RAB38: variants seen among roughly 807,000 people sequenced by gnomAD.
RAB38 encodes ras-related protein Rab-38.
In RAB38, 15 loss-of-function variants were observed where a neutral mutation model predicts 18.4. The observed-to-expected ratio is 0.82, with a 90% CI of 0.55 to 1.26. RAB38 has a LOEUF of 1.26. Among genes scored for constraint, RAB38 ranks in the 50% most tolerant of loss-of-function variants. The pLI is 0.00. For missense variants in RAB38, 294 were observed against 267.4 expected (o/e 1.10, Z -0.69); for synonymous variants, 101 against 104.4 (o/e 0.97, Z 0.20).
At chr11:87,964,828 G>C in the RAB38 span, among the ~76,000 whole-genome samples, 1 of 152,100 alleles carries the variant, frequency 6.6e-6, no homozygotes, top group East Asian at 1.9e-4. Flanking sequence ...TAGCACAACA[G>C]ACCACCGTAA....
the RAB38 span, among the ~76,000 whole-genome samples, chr11:88,052,495 T>G: frequency 6.6e-6 from 1 of 152,134 alleles, no homozygotes; most frequent in Admixed American, 6.5e-5. Flanking sequence ...TAGAACTGGA[T>G]TTCAACCCTA....
chr11:87,815,640 T>C, the RAB38 span: 1 of 152,188 alleles, frequency 6.6e-6, no homozygotes, highest in Non-Finnish European at 1.5e-5. Context: ...TAACGGTGAC[T>C]TTATCAACTG....
chr11:88,140,610 A>C (rs1302880116), intron 2 of RAB38, among the ~76,000 whole-genome samples: 1 of 152,212 alleles, frequency 6.6e-6, no homozygotes, highest in Admixed American at 6.5e-5. Context: ...GTAATGTTAG[A>C]GCCAAGTCCT....
intron 2 of RAB38, among the ~76,000 whole-genome samples, chr11:88,149,022 G>A (rs1377650962): frequency 6.6e-6 from 1 of 152,040 alleles, no homozygotes; most frequent in Non-Finnish European, 1.5e-5. Context: ...ATGGCAACAT[G>A]AGGGAACAAT....
At chr11:88,069,506 C>A in the RAB38 span, among the ~76,000 whole-genome samples, 1 of 152,222 alleles carries the variant, frequency 6.6e-6, no homozygotes, top group Non-Finnish European at 1.5e-5. Context: ...GCCAGCTGGG[C>A]TCCTGAGTGG....
At chr11:87,882,775 G>A in the RAB38 span, among the ~76,000 whole-genome samples, 1 of 151,786 alleles carries the variant, frequency 6.6e-6, no homozygotes, top group Non-Finnish European at 1.5e-5. Flanking sequence ...CATTCCCATG[G>A]AAACTGAGGT....
chr11:87,849,942 G>T, the RAB38 span, among the ~76,000 whole-genome samples: 14 of 152,220 alleles, frequency 9.2e-5, no homozygotes, highest in East Asian at 2.5e-3. Context: ...AAGGAGGCTT[G>T]ATCATATTTT....
At chr11:88,170,799 G>C (rs112769738) in intron 1 of RAB38, among the ~76,000 whole-genome samples, 5 of 152,288 alleles carry the variant, frequency 3.3e-5, no homozygotes, top group African/African-American at 1.2e-4. Context: ...ACATAGCAAA[G>C]AAACACTCGA....
chr11:87,814,734 C>CT, the RAB38 span, among the ~76,000 whole-genome samples: 5,859 of 148,560 alleles, frequency 0.039, 268 homozygotes, highest in African/African-American at 0.1. Flanking sequence ...TTTTCTTTTT[C>CT]TTTTTCTTTT....
the RAB38 span, among the ~76,000 whole-genome samples, chr11:88,054,665 A>G: frequency 6.6e-6 from 1 of 152,254 alleles, no homozygotes; most frequent in African/African-American, 2.4e-5. Flanking sequence ...AAAGATATAC[A>G]AGGGACATTA....
chr11:88,056,361 G>A, the RAB38 span, among the ~76,000 whole-genome samples: 1 of 152,178 alleles, frequency 6.6e-6, no homozygotes, highest in Admixed American at 6.5e-5. Context: ...AGGAGATGTA[G>A]AGTGTTATAG....
the RAB38 span, among the ~76,000 whole-genome samples, chr11:87,977,536 A>G: frequency 8.6e-6 from 1 of 116,392 alleles, no homozygotes; most frequent in Non-Finnish European, 1.6e-5. Context: ...ATATAATTAT[A>G]TCATTATTAT....
chr11:87,812,584 A>G, the RAB38 span, among the ~76,000 whole-genome samples: 37 of 152,330 alleles, frequency 2.4e-4, no homozygotes, highest in Admixed American at 7.2e-4. Flanking sequence ...TGGTTTCCCA[A>G]TGGAGACAAG....
At chr11:88,150,957 G>T (rs1406211406) in intron 1 of RAB38, among the ~76,000 whole-genome samples, 1 of 152,164 alleles carries the variant, frequency 6.6e-6, no homozygotes, top group Non-Finnish European at 1.5e-5. Flanking sequence ...AAACTAGATA[G>T]TCTCTACCCT....
At chr11:87,825,317 G>A in the RAB38 span, among the ~76,000 whole-genome samples, 21 of 152,276 alleles carry the variant, frequency 1.4e-4, no homozygotes, top group Non-Finnish European at 2.4e-4. Flanking sequence ...TGCTGTGTTA[G>A]TTTGCTAGGG....
At chr11:87,945,201 T>C in the RAB38 span, among the ~76,000 whole-genome samples, 1 of 152,208 alleles carries the variant, frequency 6.6e-6, no homozygotes, top group South Asian at 2.1e-4. Context: ...GATTTTGTAT[T>C]GTATCTGATT....
At chr11:88,061,662 C>A in the RAB38 span, 1 of 149,920 alleles carries the variant, frequency 6.7e-6, no homozygotes, top group Non-Finnish European at 1.5e-5. Flanking sequence ...ATTCAAATGA[C>A]TTTTTTTTTT....
At chr11:87,897,279 C>G in the RAB38 span, among the ~76,000 whole-genome samples, 1 of 151,514 alleles carries the variant, frequency 6.6e-6, no homozygotes, top group African/African-American at 2.4e-5. Context: ...GTCCTACCTG[C>G]TGATACTTTT....
chr11:87,924,840 T>C, the RAB38 span, among the ~76,000 whole-genome samples: 2 of 152,018 alleles, frequency 1.3e-5, no homozygotes, highest in African/African-American at 4.8e-5. Context: ...TTCCACTGCA[T>C]CTCATTGCCT....
Sources: gnomAD v4.1 joint callset for allele counts (sites outside exome capture counted in the v4.1 genomes callset) on GRCh38, gnomAD v4.1.1 for gene constraint, MANE v1.5 for transcripts, NCBI Gene and HGNC (gene_info 2026-07-23, HGNC 2026-07-21) for gene names.